BCL2L14: variants seen among roughly 807,000 people sequenced by gnomAD.
BCL2L14 encodes BCL2 like 14, also known as apoptosis facilitator Bcl-2-like protein 14.
In BCL2L14, 27 loss-of-function variants were observed where a neutral mutation model predicts 35.3. That is an observed-to-expected ratio of 0.76 (90% CI 0.56 to 1.05). The LOEUF (loss-of-function observed/expected upper bound fraction) is 1.05. Among genes scored for constraint, BCL2L14 ranks in the 50% least tolerant of loss-of-function variants. BCL2L14 has a pLI of 0.00. For missense variants in BCL2L14, 377 were observed against 382.6 expected (o/e 0.99, Z 0.12); for synonymous variants, 139 against 145.9 (o/e 0.95, Z 0.34).
At chr12:12,080,420 A>T (rs1045130981) in intron 2 of BCL2L14, among the ~76,000 whole-genome samples, 40 of 151,630 alleles carry the variant, frequency 2.6e-4, no homozygotes, top group Middle Eastern at 3.4e-3. Context: ...GGAGTTCAAG[A>T]CTAGCCTGGC....
At chr12:12,078,519 T>C (rs1208591470) in intron 1 of BCL2L14, among the ~76,000 whole-genome samples, 1 of 152,112 alleles carries the variant, frequency 6.6e-6, no homozygotes, top group African/African-American at 2.4e-5. Flanking sequence ...GTTCACTTAT[T>C]TTCCCTCCAC....
chr12:12,077,189 A>G (rs941276824), intron 1 of BCL2L14, among the ~76,000 whole-genome samples: 1 of 152,176 alleles, frequency 6.6e-6, no homozygotes, highest in Admixed American at 6.5e-5. Context: ...TTACATGCCG[A>G]AAGACCGTCT....
upstream of BCL2L14, among the ~76,000 whole-genome samples, chr12:12,070,401 T>G (rs923515540): frequency 2.6e-5 from 4 of 152,198 alleles, no homozygotes; most frequent in Admixed American, 2.0e-4. Flanking sequence ...ATTAAATATG[T>G]TGGCCGGGCG....
chr12:12,073,892 G>A (rs1221989833), intron 1 of BCL2L14, among the ~76,000 whole-genome samples: 1 of 151,956 alleles, frequency 6.6e-6, no homozygotes, highest in Non-Finnish European at 1.5e-5. Flanking sequence ...CAAGTCTGCC[G>A]CACCTAATTC....
chr12:12,088,654 C>T (rs1949100119), intron 3 of BCL2L14, among the ~76,000 whole-genome samples: 1 of 152,212 alleles, frequency 6.6e-6, no homozygotes, highest in Non-Finnish European at 1.5e-5. Context: ...CTTCCTTACC[C>T]TCACTATCTG....
At chr12:12,059,309 T>A (rs1457570401) in intron 2 of BCL2L14, among the ~76,000 whole-genome samples, 1 of 151,510 alleles carries the variant, frequency 6.6e-6, no homozygotes, top group Non-Finnish European at 1.5e-5. Context: ...TCCACCTTTC[T>A]GGGGTGCAAG....
chr12:12,093,228 T>C (rs996027918), intron 4 of BCL2L14, among the ~76,000 whole-genome samples: 6 of 152,114 alleles, frequency 3.9e-5, no homozygotes, highest in South Asian at 4.1e-4. Context: ...TAAGTGAACA[T>C]TGCATGCAAG....
chr12:12,054,809 G>C (rs925841919), intron 2 of BCL2L14: 2 of 151,894 alleles, frequency 1.3e-5, no homozygotes, highest in African/African-American at 4.8e-5. Context: ...TGAGCCAGGC[G>C]TGGTGGCATG....
At chr12:12,060,478 C>A (rs1948507007) in intron 2 of BCL2L14, among the ~76,000 whole-genome samples, 1 of 106,906 alleles carries the variant, frequency 9.4e-6, no homozygotes, top group Non-Finnish European at 2.0e-5. Flanking sequence ...AAATTCCGGC[C>A]CTCAAACCCC....
intron 2 of BCL2L14, chr12:12,054,851 G>A (rs1249151599): frequency 6.6e-6 from 1 of 151,832 alleles, no homozygotes; most frequent in Non-Finnish European, 1.5e-5. Flanking sequence ...GGGAGGCTGA[G>A]GCAGGAGAAT....
At chr12:12,076,693 C>T (rs1175565964) in intron 1 of BCL2L14, among the ~76,000 whole-genome samples, 3 of 152,242 alleles carry the variant, frequency 2.0e-5, no homozygotes, top group Admixed American at 2.0e-4. Flanking sequence ...CGCACCTAGC[C>T]AGGGACCCTT....
intron 2 of BCL2L14, among the ~76,000 whole-genome samples, chr12:12,062,027 C>G (rs56279770): frequency 0.12 from 18,545 of 151,726 alleles, 1,205 homozygotes; most frequent in Admixed American, 0.18. Context: ...CCTCATGTCT[C>G]CGTGCAGTGG....
chr12:12,061,013 C>T (rs1368482285), intron 2 of BCL2L14, among the ~76,000 whole-genome samples: 1 of 103,652 alleles, frequency 9.6e-6, no homozygotes, highest in Non-Finnish European at 1.9e-5. Flanking sequence ...TTTCCCTTGC[C>T]TCCATAACTG....
chr12:12,087,697 G>A (rs1285274958), intron 3 of BCL2L14, among the ~76,000 whole-genome samples: 1 of 152,250 alleles, frequency 6.6e-6, no homozygotes, highest in African/African-American at 2.4e-5. Context: ...TGTTAGATCT[G>A]ATCATGTTAC....
chr12:12,090,006 A>G (rs985420276), intron 3 of BCL2L14, among the ~76,000 whole-genome samples: 1 of 152,222 alleles, frequency 6.6e-6, no homozygotes, highest in Non-Finnish European at 1.5e-5. Flanking sequence ...ATTTGGCTCT[A>G]TACTTTCTAG....
chr12:12,077,265 G>T (rs533451758), intron 1 of BCL2L14, among the ~76,000 whole-genome samples: 1 of 152,164 alleles, frequency 6.6e-6, no homozygotes, highest in African/African-American at 2.4e-5. Context: ...CCTGAGGCCG[G>T]GCATGGTAGC....
intron 3 of BCL2L14, among the ~76,000 whole-genome samples, chr12:12,089,420 G>T (rs571675934): frequency 1.1e-4 from 16 of 150,870 alleles, no homozygotes; most frequent in African/African-American, 3.9e-4. Flanking sequence ...CCAAGCCTGG[G>T]CACGGTGGCT....
At chr12:12,069,562 T>G (rs754726141), upstream of BCL2L14, among the ~76,000 whole-genome samples, 98 of 150,586 alleles carry the variant, frequency 6.5e-4, no homozygotes, top group Middle Eastern at 3.4e-3. Flanking sequence ...AAAAAAATTA[T>G]CCAGGCTTGG....
chr12:12,060,760 T>G (rs4763267), intron 2 of BCL2L14, among the ~76,000 whole-genome samples: 100,413 of 103,848 alleles, frequency 0.97, 48,770 homozygotes, highest in East Asian at 1. Context: ...CCACTGGAAA[T>G]CAGACTGTTC....
Sources: gnomAD v4.1 joint callset for allele counts (sites outside exome capture counted in the v4.1 genomes callset) on GRCh38, gnomAD v4.1.1 for gene constraint, MANE v1.5 for transcripts, NCBI Gene and HGNC (gene_info 2026-07-23, HGNC 2026-07-21) for gene names.